Variants in CNTN5 observed in about 807,000 individuals in gnomAD.
The protein encoded by CNTN5 is contactin 5.
CNTN5 carries 77 observed loss-of-function variants against 129.1 expected under a neutral mutation model. The observed-to-expected ratio is 0.60, with a 90% CI of 0.50 to 0.72. The LOEUF is 0.72. Among genes scored for constraint, CNTN5 ranks in the 30% least tolerant of loss-of-function variants. CNTN5 has a pLI of 0.00. For missense variants in CNTN5, 1,478 were observed against 1,328.8 expected, an observed-to-expected ratio of 1.11 and a Z score of -1.75; for synonymous variants, 509 against 465.6, an observed-to-expected ratio of 1.09 and a Z score of -1.20.
intron 3 of CNTN5, among the ~76,000 whole-genome samples, chr11:99,583,337 A>G (rs920871558): frequency 8.6e-5 from 13 of 151,944 alleles, no homozygotes; most frequent in Non-Finnish European, 1.5e-4. Flanking sequence ...GAGTACCACT[A>G]CTCTCTTCAA....
intron 3 of CNTN5, among the ~76,000 whole-genome samples, chr11:99,686,258 T>C (rs1404226879): frequency 6.6e-6 from 1 of 152,124 alleles, no homozygotes; most frequent in African/African-American, 2.4e-5. Context: ...CTAATGCTTA[T>C]TTAGAGTCAT....
intron 1 of CNTN5, among the ~76,000 whole-genome samples, chr11:99,157,787 T>C (rs1860406642): frequency 6.6e-6 from 1 of 152,084 alleles, no homozygotes; most frequent in African/African-American, 2.4e-5. Flanking sequence ...GTTCTAAACA[T>C]AGAAGATAAA....
At chr11:99,927,512 A>G (rs1200892887) in intron 7 of CNTN5, among the ~76,000 whole-genome samples, 1 of 152,162 alleles carries the variant, frequency 6.6e-6, no homozygotes, top group African/African-American at 2.4e-5. Flanking sequence ...GGGCCTCAGG[A>G]AACTTAAAGT....
intron 1 of CNTN5, among the ~76,000 whole-genome samples, chr11:99,084,901 T>A (rs751633027): frequency 5.9e-5 from 9 of 152,330 alleles, no homozygotes; most frequent in African/African-American, 9.6e-5. Flanking sequence ...AACTTCATGT[T>A]TTCTAAGATA....
intron 10 of CNTN5, among the ~76,000 whole-genome samples, chr11:100,062,616 G>T (rs1464525665): frequency 1.3e-5 from 2 of 152,208 alleles, no homozygotes; most frequent in Admixed American, 6.5e-5. Context: ...GAAGAGGACT[G>T]TGGGAATGCA....
intron 13 of CNTN5, among the ~76,000 whole-genome samples, chr11:100,084,972 A>AT (rs1459418329): frequency 1.3e-5 from 2 of 152,146 alleles, no homozygotes; most frequent in African/African-American, 4.8e-5. Context: ...TTGTGTGCAC[A>AT]GGGGCATCAC....
intron 3 of CNTN5, among the ~76,000 whole-genome samples, chr11:99,671,618 C>T (rs910238606): frequency 6.6e-6 from 1 of 152,062 alleles, no homozygotes; most frequent in Non-Finnish European, 1.5e-5. Flanking sequence ...GGCACATTAT[C>T]GAATTTTTTG....
At chr11:99,162,063 C>T (rs1860635805) in intron 1 of CNTN5, among the ~76,000 whole-genome samples, 1 of 152,062 alleles carries the variant, frequency 6.6e-6, no homozygotes, top group Non-Finnish European at 1.5e-5. Flanking sequence ...GCTTCTACAA[C>T]CCTAGACTAC....
chr11:99,134,674 G>A (rs183143919), intron 1 of CNTN5, among the ~76,000 whole-genome samples: 4 of 151,954 alleles, frequency 2.6e-5, no homozygotes, highest in African/African-American at 9.7e-5. Flanking sequence ...AATTTGATGA[G>A]TTATAGGTAA....
At chr11:99,338,615 T>G (rs866086474) in intron 2 of CNTN5, among the ~76,000 whole-genome samples, 1 of 152,124 alleles carries the variant, frequency 6.6e-6, no homozygotes, top group Admixed American at 6.6e-5. Context: ...ATGTCATTTA[T>G]AGTATTTCAT....
At chr11:99,980,628 T>C (rs1938273403) in intron 8 of CNTN5, among the ~76,000 whole-genome samples, 1 of 152,186 alleles carries the variant, frequency 6.6e-6, no homozygotes, top group South Asian at 2.1e-4. Context: ...TTGCAGTCCA[T>C]TAAATAGCAG....
chr11:99,504,561 T>C (rs1285111478), intron 2 of CNTN5, among the ~76,000 whole-genome samples: 1 of 151,122 alleles, frequency 6.6e-6, no homozygotes, highest in Non-Finnish European at 1.5e-5. Context: ...AGAAAAGAAA[T>C]TAAAATATAA....
At position 99,910,443 on chromosome 11, in the gene CNTN5, CAT is replaced by C. The variant is rs139674744; in HGVS notation, c.578-5610_578-5609del. Among the ~76,000 whole-genome samples, 629 of 152,150 alleles carry C rather than the reference CAT, an allele frequency of 4.1e-3. 3 individuals carry two copies. Among genetic ancestry groups the C allele is most frequent in the African/African-American group, 0.014 (564 of 41,544 alleles). On this transcript the variant is annotated intron_variant, in intron 6 of 24. Transcript: ENST00000524871. ...TGCTAATTTAATTTTTTTCTCAAAA[CAT>C]GTGTAAGAACTGCTTTTTCTATTCT...
intron 16 of CNTN5, among the ~76,000 whole-genome samples, chr11:100,230,499 C>T (rs562201738): frequency 6.6e-6 from 1 of 152,224 alleles, no homozygotes; most frequent in African/African-American, 2.4e-5. Flanking sequence ...GTCAGATGTT[C>T]AGATTTTCTG....
intron 3 of CNTN5, among the ~76,000 whole-genome samples, chr11:99,785,007 G>C (rs1945465220): frequency 6.6e-6 from 1 of 151,666 alleles, no homozygotes; most frequent in African/African-American, 2.4e-5. Flanking sequence ...CACCATGTTA[G>C]CCAGGATGAT....
At chr11:99,042,362 C>CTTTTTTTT (rs1442841983) in intron 1 of CNTN5, among the ~76,000 whole-genome samples, 28 of 120,782 alleles carry the variant, frequency 2.3e-4, no homozygotes, top group African/African-American at 9.1e-4. Context: ...CCTTCTTCTT[C>CTTTTTTTT]TTCTTTTTTT....
chr11:99,775,211 C>T (rs1462398946), intron 3 of CNTN5, among the ~76,000 whole-genome samples: 3 of 152,054 alleles, frequency 2.0e-5, no homozygotes, highest in East Asian at 1.9e-4. Flanking sequence ...TTTCTGCTAG[C>T]GTAGTTTCCC....
chr11:99,681,265 G>A (rs1295426850), intron 3 of CNTN5, among the ~76,000 whole-genome samples: 1 of 152,070 alleles, frequency 6.6e-6, no homozygotes, highest in Non-Finnish European at 1.5e-5. Flanking sequence ...TTGAAAGATT[G>A]ATTCCAATTC....
chr11:100,338,632 G>A (rs939759073), intron 21 of CNTN5, among the ~76,000 whole-genome samples: 2 of 152,170 alleles, frequency 1.3e-5, no homozygotes, highest in African/African-American at 4.8e-5. Context: ...TACTCGGCCT[G>A]CCGCATTCAA....
Sources: allele counts gnomAD v4.1 joint callset (sites outside exome capture counted in the v4.1 genomes callset), GRCh38; gene constraint gnomAD v4.1.1; transcripts MANE v1.5; gene names NCBI Gene and HGNC (gene_info 2026-07-23, HGNC 2026-07-21).